FSTL5: variants seen among roughly 807,000 people sequenced by gnomAD.
FSTL5 encodes follistatin-related protein 5.
In FSTL5, 62 loss-of-function variants were observed where a neutral mutation model predicts 89.1. The ratio of observed to expected loss-of-function variants is 0.70; its 90% CI spans 0.57 to 0.86. The LOEUF (loss-of-function observed/expected upper bound fraction) is 0.86, where lower values mean the gene tolerates loss of function less well. Ranked by LOEUF, FSTL5 falls within the 40% of genes least tolerant of loss-of-function variation. FSTL5 has a pLI of 0.00. For synonymous variants in FSTL5, 383 were observed against 346.2 expected, an observed-to-expected ratio of 1.11 and a Z score of -1.18; for missense variants, 1,057 against 1,001.6, an observed-to-expected ratio of 1.06 and a Z score of -0.75.
intron 3 of FSTL5, among the ~76,000 whole-genome samples, chr4:161,975,244 C>T (rs1207385447): frequency 1.4e-5 from 2 of 143,664 alleles, no homozygotes; most frequent in African/African-American, 5.3e-5. Flanking sequence ...CCAGCCATCC[C>T]ATTACTGGGT....
intron 3 of FSTL5, among the ~76,000 whole-genome samples, chr4:162,016,261 A>G (rs1359502166): frequency 6.6e-6 from 1 of 152,162 alleles, no homozygotes; most frequent in Non-Finnish European, 1.5e-5. Context: ...TTTGAGTGGA[A>G]TAACTTTGTC....
chr4:161,517,353 C>T (rs1486266012), intron 10 of FSTL5, among the ~76,000 whole-genome samples: 1 of 152,082 alleles, frequency 6.6e-6, no homozygotes, highest in East Asian at 1.9e-4. Flanking sequence ...AACAATAAAA[C>T]CCTCAAAGTT....
intron 6 of FSTL5, among the ~76,000 whole-genome samples, chr4:161,665,327 C>T (rs1017911314): frequency 2.0e-5 from 3 of 152,038 alleles, no homozygotes; most frequent in Non-Finnish European, 4.4e-5. Flanking sequence ...CTGCAAGCTC[C>T]GCCTCCCAGG....
At chr4:162,115,065 T>A (rs1454336780) in intron 1 of FSTL5, among the ~76,000 whole-genome samples, 2 of 152,284 alleles carry the variant, frequency 1.3e-5, no homozygotes, top group African/African-American at 4.8e-5. Flanking sequence ...TTAGGAAAAC[T>A]CTGATTTCTG....
intron 15 of FSTL5, among the ~76,000 whole-genome samples, chr4:161,452,340 G>A (rs1733194410): frequency 6.6e-6 from 1 of 152,080 alleles, no homozygotes; most frequent in Non-Finnish European, 1.5e-5. Flanking sequence ...GCTGGATATG[G>A]TGGAGGACTC....
At chr4:162,081,400 G>A (rs566459779) in intron 2 of FSTL5, among the ~76,000 whole-genome samples, 1 of 151,636 alleles carries the variant, frequency 6.6e-6, no homozygotes, top group East Asian at 1.9e-4. Context: ...ATTTATTTCT[G>A]GCCTGGCACT....
intron 4 of FSTL5, among the ~76,000 whole-genome samples, chr4:161,790,529 A>T (rs1432903152): frequency 6.6e-6 from 1 of 152,192 alleles, no homozygotes; most frequent in Admixed American, 6.5e-5. Flanking sequence ...CATACTAGGA[A>T]GAAAGCTTTT....
At chr4:162,000,801 A>G (rs1736441948) in intron 3 of FSTL5, among the ~76,000 whole-genome samples, 1 of 152,144 alleles carries the variant, frequency 6.6e-6, no homozygotes, top group African/African-American at 2.4e-5. Context: ...AAACTATCTT[A>G]CATGGATTGG....
intron 15 of FSTL5, among the ~76,000 whole-genome samples, chr4:161,437,930 A>G (rs1338787127): frequency 6.6e-6 from 1 of 152,158 alleles, no homozygotes; most frequent in African/African-American, 2.4e-5. Context: ...CTCGGGAGTG[A>G]TACAATTGAG....
chr4:162,149,458 T>G (rs889490271), intron 1 of FSTL5, among the ~76,000 whole-genome samples: 21 of 150,656 alleles, frequency 1.4e-4, no homozygotes, highest in Non-Finnish European at 1.3e-4. Flanking sequence ...GACCCCTATC[T>G]CTACAAAGAA....
intron 1 of FSTL5, among the ~76,000 whole-genome samples, chr4:162,137,848 T>G (rs1371286637): frequency 1.3e-5 from 2 of 152,134 alleles, no homozygotes; most frequent in Non-Finnish European, 2.9e-5. Context: ...TATCATAAAC[T>G]AACACATTCA....
At chr4:161,789,429 GAT>G (rs1404745217) in intron 4 of FSTL5, among the ~76,000 whole-genome samples, 3 of 151,972 alleles carry the variant, frequency 2.0e-5, no homozygotes, top group African/African-American at 7.2e-5. Flanking sequence ...TCAAATAACA[GAT>G]AGAAATAAAA....
intron 4 of FSTL5, among the ~76,000 whole-genome samples, chr4:161,820,501 ATTTC>A (rs1730456822): frequency 6.6e-6 from 1 of 152,270 alleles, no homozygotes; most frequent in African/African-American, 2.4e-5. Flanking sequence ...CACCAAACCC[ATTTC>A]TTTTTCTTCC....
At chr4:162,102,679 CATATTT>C (rs1271838457) in intron 2 of FSTL5, among the ~76,000 whole-genome samples, 2 of 129,814 alleles carry the variant, frequency 1.5e-5, no homozygotes, top group South Asian at 2.8e-4. Context: ...ATATGTATAA[CATATTT>C]ATATTTATAT....
chr4:161,485,865 C>A (rs1273964197), intron 12 of FSTL5, among the ~76,000 whole-genome samples: 1 of 152,108 alleles, frequency 6.6e-6, no homozygotes, highest in Non-Finnish European at 1.5e-5. Context: ...AGGCCGGGCG[C>A]AGCAGCTTAC....
intron 4 of FSTL5, among the ~76,000 whole-genome samples, chr4:161,790,142 A>G (rs1729410059): frequency 6.6e-6 from 1 of 152,218 alleles, no homozygotes; most frequent in Non-Finnish European, 1.5e-5. Context: ...ACAAGGCCAT[A>G]GAGTAAACAA....
intron 6 of FSTL5, among the ~76,000 whole-genome samples, chr4:161,691,784 T>C (rs951432405): frequency 1.3e-5 from 2 of 152,176 alleles, no homozygotes; most frequent in African/African-American, 4.8e-5. Flanking sequence ...GATACTATCA[T>C]GAATGGAATT....
chr4:161,638,346 A>G (rs1187231823), intron 7 of FSTL5, among the ~76,000 whole-genome samples: 1 of 152,014 alleles, frequency 6.6e-6, no homozygotes, highest in African/African-American at 2.4e-5. Flanking sequence ...GTTGCTTATC[A>G]GCTTAAGGAG....
chr4:161,860,751 G>A (rs976522537), intron 4 of FSTL5, among the ~76,000 whole-genome samples: 1 of 152,010 alleles, frequency 6.6e-6, no homozygotes, highest in African/African-American at 2.4e-5. Flanking sequence ...TACTTACATG[G>A]TCCACATTGC....
Sources: gnomAD v4.1 joint callset for allele counts (sites outside exome capture counted in the v4.1 genomes callset) on GRCh38, gnomAD v4.1.1 for gene constraint, MANE v1.5 for transcripts, NCBI Gene and HGNC (gene_info 2026-07-23, HGNC 2026-07-21) for gene names.